Variants in SUGCT observed in about 807,000 individuals in gnomAD.
The protein encoded by SUGCT is succinyl-CoA:glutarate-CoA transferase, also known as succinyl-CoA:glutarate CoA-transferase.
SUGCT carries 41 observed loss-of-function variants against 55.0 expected under a neutral mutation model. That is an observed-to-expected ratio of 0.74 (90% CI 0.58 to 0.97). The LOEUF is 0.97. SUGCT is among the 50% of genes least tolerant of loss of function. SUGCT has a pLI of 0.00. For synonymous variants in SUGCT, 187 were observed against 200.4 expected, an observed-to-expected ratio of 0.93 and a Z score of 0.56; for missense variants, 568 against 547.8, an observed-to-expected ratio of 1.04 and a Z score of -0.37.
At position 40,477,494 on chromosome 7, in the gene SUGCT, C is replaced by A. The variant is rs1056666955; in HGVS notation, c.986+18296C>A. On this transcript the variant is annotated intron_variant, in intron 11 of 13. Transcript: ENST00000335693. ...TCCTTGGGTGGAATGACATTGTCGG[C>A]AAAATTTATTCTACCTTTGGAATCT... Among the ~76,000 whole-genome samples, 5 of 152,056 alleles carry A rather than the reference C, an allele frequency of 3.3e-5. No individual in the cohort carries two copies. The East Asian group carries it at 9.6e-4, about 29-fold the overall frequency.
At chr7:40,784,530 T>C (rs542692583) in intron 13 of SUGCT, among the ~76,000 whole-genome samples, 12 of 152,318 alleles carry the variant, frequency 7.9e-5, no homozygotes, top group African/African-American at 2.9e-4. Flanking sequence ...CCCTTATTAA[T>C]ACACGTGAAT....
intron 12 of SUGCT, among the ~76,000 whole-genome samples, chr7:40,561,801 C>T (rs971377050): frequency 6.7e-6 from 1 of 149,450 alleles, no homozygotes; most frequent in Non-Finnish European, 1.5e-5. Flanking sequence ...AAGCGATTCT[C>T]CTGCCTCAGC....
At chr7:40,925,600 T>G in the SUGCT span, among the ~76,000 whole-genome samples, 1 of 152,164 alleles carries the variant, frequency 6.6e-6, no homozygotes, top group East Asian at 1.9e-4. Flanking sequence ...GAACAACTCT[T>G]TTGGGCTTGG....
In SUGCT at chr7:40,834,352, C is replaced by T; in HGVS notation, c.1154-25964C>T. Reference sequence around the variant, plus strand: ...TTACATGGAGAAAGATGTTGGAGGCCACGCTTTTGCATCTGATATAAAATC... The same window carrying T: ...TTACATGGAGAAAGATGTTGGAGGCTACGCTTTTGCATCTGATATAAAATC... On this transcript the variant is annotated intron_variant, in intron 13 of 13. Transcript: ENST00000335693. Among the ~76,000 whole-genome samples the T allele has an allele frequency of 1.3e-5, 2 of 152,092 alleles. 1 individual carries two copies. The highest frequency in any genetic ancestry group is 6.3e-3 in the Middle Eastern group (2 of 316).
chr7:40,575,625 T>G (rs563309215), intron 12 of SUGCT, among the ~76,000 whole-genome samples: 55 of 149,624 alleles, frequency 3.7e-4, no homozygotes, highest in Non-Finnish European at 7.3e-4. Flanking sequence ...ATGTCTTAGG[T>G]TTCCATCACT....
At chr7:40,234,471 A>G (rs1330507961) in intron 6 of SUGCT, among the ~76,000 whole-genome samples, 1 of 152,144 alleles carries the variant, frequency 6.6e-6, no homozygotes, top group Non-Finnish European at 1.5e-5. Flanking sequence ...GTTGGCTTAT[A>G]GTTTATTTCT....
At chr7:40,267,272 C>T (rs1162537109) in intron 7 of SUGCT, among the ~76,000 whole-genome samples, 1 of 152,134 alleles carries the variant, frequency 6.6e-6, no homozygotes, top group Non-Finnish European at 1.5e-5. Context: ...ATAAATCTCT[C>T]TGACAAAAGG....
Position 40,458,216 on chromosome 7 carries a change from C to A in SUGCT, c.889-885C>A, listed in dbSNP as rs77973624. Among the ~76,000 whole-genome samples the A allele has an allele frequency of 1.1e-4, 17 of 152,300 alleles. No individual in the cohort carries two copies. The East Asian group carries it at 3.3e-3, about 29-fold the overall frequency. On this transcript the variant is annotated intron_variant, in intron 10 of 13. Transcript: ENST00000335693. ...AAATATATTAATAAAGGCAATGAAG[C>A]TTTCTGTAGGCCGCATGGCCTGCCC... is the stretch of plus-strand genomic sequence containing the variant.
intron 9 of SUGCT, among the ~76,000 whole-genome samples, chr7:40,437,913 A>AT (rs1448814886): frequency 1.3e-5 from 2 of 152,050 alleles, no homozygotes; most frequent in Non-Finnish European, 2.9e-5. Context: ...CATACTACAA[A>AT]TTTTTTGTAT....
chr7:40,216,498 C>CAAAAA (rs1022915051), intron 6 of SUGCT, among the ~76,000 whole-genome samples: 50 of 50,130 alleles, frequency 1.0e-3, no homozygotes, highest in African/African-American at 1.4e-3. Context: ...GACTCCGTCT[C>CAAAAA]AAAAAAAAAA....
intron 12 of SUGCT, among the ~76,000 whole-genome samples, chr7:40,730,680 A>G (rs560308814): frequency 2.0e-5 from 3 of 152,142 alleles, no homozygotes; most frequent in Admixed American, 6.6e-5. Context: ...CCTTTCACCA[A>G]TATCTCTCTA....
chr7:40,917,024 G>A, the SUGCT span, among the ~76,000 whole-genome samples: 14 of 152,238 alleles, frequency 9.2e-5, no homozygotes, highest in Admixed American at 5.9e-4. Context: ...TAATCTTCTC[G>A]TCTGACAAAG....
At chr7:40,970,947 CT>C in the SUGCT span, among the ~76,000 whole-genome samples, 1 of 152,262 alleles carries the variant, frequency 6.6e-6, no homozygotes, top group East Asian at 1.9e-4. Flanking sequence ...GACACTCTGA[CT>C]TACGTTTTTA....
intron 1 of SUGCT, chr7:40,153,182 G>A: frequency 3.1e-6 from 1 of 325,766 alleles, no homozygotes; most frequent in Middle Eastern, 7.9e-4. Context: ...TTAGATTATT[G>A]TGAAACTCCA....
the SUGCT span, among the ~76,000 whole-genome samples, chr7:40,991,308 C>A: frequency 6.6e-6 from 1 of 152,092 alleles, no homozygotes; most frequent in Non-Finnish European, 1.5e-5. Flanking sequence ...TCAGATTTGC[C>A]ATCTTCACTG....
the SUGCT span, among the ~76,000 whole-genome samples, chr7:40,991,951 G>T: frequency 2.6e-5 from 4 of 151,966 alleles, no homozygotes; most frequent in Non-Finnish European, 4.4e-5. Flanking sequence ...CCAGAAAGAG[G>T]TCCCAATCCA....
intron 6 of SUGCT, among the ~76,000 whole-genome samples, chr7:40,199,030 T>A (rs1786448113): frequency 6.7e-6 from 1 of 148,868 alleles, no homozygotes; most frequent in Non-Finnish European, 1.5e-5. Flanking sequence ...GTAATCAGTG[T>A]GTCTGTGTGT....
At chr7:40,379,517 T>A (rs1319204581) in intron 9 of SUGCT, among the ~76,000 whole-genome samples, 1 of 152,154 alleles carries the variant, frequency 6.6e-6, no homozygotes, top group Non-Finnish European at 1.5e-5. Context: ...TGCTGGCTCT[T>A]TTTTTAGGAT....
the SUGCT span, among the ~76,000 whole-genome samples, chr7:40,900,180 C>T: frequency 6.6e-6 from 1 of 152,264 alleles, no homozygotes; most frequent in Non-Finnish European, 1.5e-5. Context: ...TCCAGCTTCT[C>T]TGCGTATTTC....
Sources: gnomAD v4.1 joint callset for allele counts (sites outside exome capture counted in the v4.1 genomes callset) on GRCh38, gnomAD v4.1.1 for gene constraint, MANE v1.5 for transcripts, NCBI Gene and HGNC (gene_info 2026-07-23, HGNC 2026-07-21) for gene names.